IQCM: variants seen among roughly 807,000 people sequenced by gnomAD.
IQCM encodes IQ motif containing M, also known as IQ domain-containing protein M.
A neutral mutation model predicts 57.6 loss-of-function variants in IQCM; 45 were observed. The observed-to-expected ratio is 0.78, with a 90% CI of 0.62 to 1.00. The LOEUF is 1.00. Ranked by LOEUF, IQCM falls within the 50% of genes least tolerant of loss-of-function variation. IQCM has a pLI of 0.00. For synonymous variants in IQCM, 148 were observed against 158.9 expected (o/e 0.93, Z 0.51); for missense variants, 468 against 511.6 (o/e 0.91, Z 0.82).
intron 8 of IQCM, among the ~76,000 whole-genome samples, chr4:149,593,431 A>G (rs909688795): frequency 2.0e-5 from 3 of 152,004 alleles, no homozygotes; most frequent in Non-Finnish European, 4.4e-5. Flanking sequence ...CTCTTTTCCT[A>G]ATTGAATACC....
At chr4:149,474,016 C>G (rs1343338841) in intron 12 of IQCM, among the ~76,000 whole-genome samples, 1 of 151,974 alleles carries the variant, frequency 6.6e-6, no homozygotes, top group African/African-American at 2.4e-5. Context: ...AGGAGATATA[C>G]TTAATGTAAA....
At chr4:149,489,876 T>C (rs1296015422) in intron 12 of IQCM, among the ~76,000 whole-genome samples, 1 of 151,898 alleles carries the variant, frequency 6.6e-6, no homozygotes, top group Non-Finnish European at 1.5e-5. Flanking sequence ...ACAATAAATA[T>C]ATTATTGAGA....
chr4:149,655,389 TA>T (rs911098472), intron 7 of IQCM, among the ~76,000 whole-genome samples: 1 of 152,156 alleles, frequency 6.6e-6, no homozygotes, highest in Non-Finnish European at 1.5e-5. Context: ...TGAACACTTT[TA>T]ATAACATAGC....
chr4:149,774,713 T>G (rs1431173392), intron 2 of IQCM, among the ~76,000 whole-genome samples: 1 of 151,314 alleles, frequency 6.6e-6, no homozygotes, highest in Non-Finnish European at 1.5e-5. Context: ...ACGAGGGAGC[T>G]TCTTCCTTCT....
intron 8 of IQCM, among the ~76,000 whole-genome samples, chr4:149,605,029 T>C (rs988232636): frequency 5.9e-5 from 9 of 152,342 alleles, no homozygotes; most frequent in African/African-American, 2.2e-4. Flanking sequence ...CACCAAACAA[T>C]GCCTATGTTG....
intron 7 of IQCM, among the ~76,000 whole-genome samples, chr4:149,673,262 A>G (rs1185932513): frequency 2.0e-5 from 3 of 152,202 alleles, no homozygotes; most frequent in Non-Finnish European, 4.4e-5. Context: ...GATCAAATTC[A>G]CACATAACAA....
At chr4:149,769,733 C>T (rs567651564) in intron 2 of IQCM, among the ~76,000 whole-genome samples, 74 of 151,950 alleles carry the variant, frequency 4.9e-4, no homozygotes, top group African/African-American at 1.7e-3. Flanking sequence ...GAGGACATAA[C>T]AATCCTATTG....
intron 8 of IQCM, among the ~76,000 whole-genome samples, chr4:149,590,648 G>C (rs1286566440): frequency 6.6e-6 from 1 of 151,778 alleles, no homozygotes; most frequent in East Asian, 2.0e-4. Context: ...TCCCCTCCTT[G>C]TCTCCACGTG....
intron 9 of IQCM, among the ~76,000 whole-genome samples, chr4:149,582,174 A>G (rs1331595567): frequency 6.7e-6 from 1 of 150,354 alleles, no homozygotes; most frequent in Non-Finnish European, 1.5e-5. Context: ...TGCATCCTGA[A>G]GACATTACTT....
chr4:149,518,905 A>T (rs1745285154), intron 12 of IQCM, among the ~76,000 whole-genome samples: 1 of 152,234 alleles, frequency 6.6e-6, no homozygotes. Context: ...GAGTTCCTAC[A>T]CTTAGGGAAG....
At chr4:149,414,480 A>G (rs1733605003) in intron 13 of IQCM, among the ~76,000 whole-genome samples, 3 of 152,146 alleles carry the variant, frequency 2.0e-5, no homozygotes. Context: ...CAGTTTTGGA[A>G]AGCAGAGATG....
chr4:149,807,167 T>C (rs1026484531), intron 2 of IQCM, among the ~76,000 whole-genome samples: 6 of 151,674 alleles, frequency 4.0e-5, no homozygotes, highest in African/African-American at 1.2e-4. Context: ...ATCCTAAAAC[T>C]CATAGGGAAT....
At chr4:149,503,175 C>G (rs1743441521) in intron 12 of IQCM, among the ~76,000 whole-genome samples, 2 of 152,088 alleles carry the variant, frequency 1.3e-5, no homozygotes, top group South Asian at 4.1e-4. Flanking sequence ...GAGCTATGAT[C>G]ATGCCACTGC....
chr4:149,779,376 T>A (rs1580277393), intron 2 of IQCM, among the ~76,000 whole-genome samples: 1 of 152,174 alleles, frequency 6.6e-6, no homozygotes, highest in Non-Finnish European at 1.5e-5. Context: ...ATTTACTCTA[T>A]AGCTACAGTG....
intron 7 of IQCM, among the ~76,000 whole-genome samples, chr4:149,628,254 A>G (rs1241219325): frequency 1.3e-5 from 2 of 152,198 alleles, no homozygotes; most frequent in African/African-American, 4.8e-5. Context: ...TGGCATTCTC[A>G]CTATATTATA....
chr4:149,380,219 CGTGTGTGT>C (rs375972746), intron 13 of IQCM, among the ~76,000 whole-genome samples: 10 of 148,252 alleles, frequency 6.7e-5, no homozygotes, highest in African/African-American at 2.2e-4. Flanking sequence ...TGAATGTGCT[CGTGTGTGT>C]GTGTGTGTGT....
intron 7 of IQCM, among the ~76,000 whole-genome samples, chr4:149,670,586 T>C (rs1007258580): frequency 9.2e-5 from 14 of 152,126 alleles, no homozygotes; most frequent in Admixed American, 6.6e-4. Flanking sequence ...CAGTTTTTGC[T>C]CATTCAGTAT....
At chr4:149,438,446 G>A (rs1187084761) in intron 12 of IQCM, among the ~76,000 whole-genome samples, 4 of 152,070 alleles carry the variant, frequency 2.6e-5, no homozygotes, top group Non-Finnish European at 4.4e-5. Context: ...AGTTTGAAGT[G>A]GTGGACAAAT....
chr4:149,667,122 C>T (rs536528035), intron 7 of IQCM, among the ~76,000 whole-genome samples: 2 of 152,284 alleles, frequency 1.3e-5, no homozygotes, highest in South Asian at 2.1e-4. Context: ...GACCCCCATG[C>T]CTCCTGTCTG....
Sources: allele counts gnomAD v4.1 joint callset (sites outside exome capture counted in the v4.1 genomes callset), GRCh38; gene constraint gnomAD v4.1.1; transcripts MANE v1.5; gene names NCBI Gene and HGNC (gene_info 2026-07-23, HGNC 2026-07-21).